The following ANK2 variants were observed in gnomAD, a reference collection of about 807,000 sequenced individuals.
ANK2 encodes ankyrin-2.
In ANK2, 83 loss-of-function variants were observed where a neutral mutation model predicts 360.5. The observed-to-expected ratio is 0.23, with a 90% CI of 0.19 to 0.28. ANK2 has a LOEUF of 0.28. Among genes scored for constraint, ANK2 ranks in the 10% least tolerant of loss-of-function variants. The pLI, the probability that ANK2 is intolerant of heterozygous loss-of-function variation, is 1.00. For synonymous variants in ANK2, 1,740 were observed against 1,759.5 expected, an observed-to-expected ratio of 0.99 and a Z score of 0.28; for missense variants, 4,201 against 4,795.7, an observed-to-expected ratio of 0.88 and a Z score of 3.66.
At chr4:112,854,686 C>T (rs531573667) in intron 1 of ANK2, among the ~76,000 whole-genome samples, 55 of 152,206 alleles carry the variant, frequency 3.6e-4, no homozygotes, top group African/African-American at 1.3e-3. Flanking sequence ...AGATGATTGA[C>T]CAACATTGGA....
rs1029169152 is a variant in ANK2, at chr4:113,199,191, C to G, written c.384+82C>G. The G allele has an allele frequency of 5.7e-6, 6 of 1,060,106 alleles. No homozygotes were observed. In the African/African-American group the frequency reaches 6.3e-5, roughly 11 times the overall value. The allele number at this position is 1,060,106 out of a possible 1,614,324, so 65.7% of individuals were successfully genotyped here. ...AAATTGATTTAATGTGTTTAGCTAG[C>G]TGTTCTACTGATAAATTTATTATAA... is the stretch of plus-strand genomic sequence containing the variant. On this transcript the variant is annotated intron_variant, in intron 4 of 45. Transcript: ENST00000357077.
intron 13 of ANK2, among the ~76,000 whole-genome samples, chr4:113,264,104 CTG>C (rs1218647274): frequency 6.6e-6 from 1 of 152,196 alleles, no homozygotes; most frequent in East Asian, 1.9e-4. Context: ...TCTCAAATAA[CTG>C]TCTATAATTA....
At chr4:113,112,979 A>G (rs1180452434) in intron 1 of ANK2, among the ~76,000 whole-genome samples, 3 of 152,148 alleles carry the variant, frequency 2.0e-5, no homozygotes, top group African/African-American at 7.2e-5. Context: ...TGCATTATCA[A>G]ATTGGCTTTT....
intron 1 of ANK2, among the ~76,000 whole-genome samples, chr4:113,141,067 T>A (rs1370223933): frequency 6.6e-6 from 1 of 152,122 alleles, no homozygotes; most frequent in Admixed American, 6.5e-5. Context: ...TCTTACAAAG[T>A]CCTATAAAGC....
Position 113,355,135 on chromosome 4 carries a change from C to T in ANK2, c.6517C>T (p.Pro2173Ser). The T allele has an allele frequency of 6.2e-7, 1 of 1,614,094 alleles. No homozygotes were observed. The part of the protein sequence containing the change: ...QLHLDQVLTS[P>S]FNTTFPLDYM... ...TCACTTAGACCAAGTACTCACTAGT[C>T]CTTTCAACACAACATTTCCACTCGA... The change falls in exon 38 of 46, where the codon CCT becomes TCT. Residue 2173 changes from proline to serine, a missense_variant. By Grantham distance (74) the Pro-to-Ser change is moderately conservative. This residue lies in a region of ANK2 where 2,642 missense variants were observed against 2,714.5 expected (regional missense o/e 0.97). Transcript: ENST00000357077.
chr4:112,868,238 G>T (rs780705039), intron 1 of ANK2, among the ~76,000 whole-genome samples: 5 of 152,148 alleles, frequency 3.3e-5, no homozygotes, highest in Admixed American at 6.5e-5. Flanking sequence ...GTATTGCAAT[G>T]CTATAACAGA....
chr4:113,192,117 G>A (rs571695572), intron 2 of ANK2, among the ~76,000 whole-genome samples: 15 of 152,164 alleles, frequency 9.9e-5, no homozygotes, highest in African/African-American at 3.1e-4. Context: ...TGAATGTGCC[G>A]GTTTGTTACG....
the ANK2 span, among the ~76,000 whole-genome samples, chr4:112,802,473 A>G: frequency 1.1e-3 from 173 of 152,226 alleles, 1 homozygote; most frequent in African/African-American, 4.1e-3. Flanking sequence ...CAATATATGT[A>G]TTTATATTTT....
chr4:113,022,837 G>A (rs967207939), intron 2 of ANK2, among the ~76,000 whole-genome samples: 1 of 152,196 alleles, frequency 6.6e-6, no homozygotes, highest in Non-Finnish European at 1.5e-5. Context: ...TGAATTTCAA[G>A]AGGTTAGCAT....
the ANK2 span, chr4:112,798,704 T>C: frequency 6.6e-6 from 1 of 152,248 alleles, no homozygotes; most frequent in African/African-American, 2.4e-5. Flanking sequence ...ATGCATAGCA[T>C]GGTTTCTTTA....
At chr4:113,112,284 T>C (rs1349115005) in intron 1 of ANK2, among the ~76,000 whole-genome samples, 1 of 152,068 alleles carries the variant, frequency 6.6e-6, no homozygotes, top group Non-Finnish European at 1.5e-5. Context: ...GTGAGGGGAT[T>C]TTTTCATCAG....
chr4:113,022,425 T>C (rs1279501725), intron 2 of ANK2, among the ~76,000 whole-genome samples: 1 of 152,172 alleles, frequency 6.6e-6, no homozygotes, highest in Admixed American at 6.5e-5. Context: ...ATGCTTCACC[T>C]TTCACAGTGA....
At chr4:113,058,716 T>C (rs890319759) in intron 1 of ANK2, among the ~76,000 whole-genome samples, 3 of 152,114 alleles carry the variant, frequency 2.0e-5, no homozygotes, top group African/African-American at 4.8e-5. Flanking sequence ...CAATGGCCAA[T>C]AATTTAAAAT....
the ANK2 span, among the ~76,000 whole-genome samples, chr4:112,767,202 C>T: frequency 2.0e-5 from 3 of 152,036 alleles, no homozygotes; most frequent in Non-Finnish European, 2.9e-5. Context: ...AAAATAATTG[C>T]AGAGCAATTC....
chr4:112,900,072 G>A (rs918207458), intron 1 of ANK2, among the ~76,000 whole-genome samples: 28 of 151,944 alleles, frequency 1.8e-4, no homozygotes, highest in African/African-American at 6.3e-4. Context: ...AATAATATAA[G>A]GTGTCTCATG....
At chr4:112,848,545 C>G (rs974147268) in intron 1 of ANK2, among the ~76,000 whole-genome samples, 2 of 152,230 alleles carry the variant, frequency 1.3e-5, no homozygotes, top group African/African-American at 4.8e-5. Context: ...CCTTCTCCTT[C>G]TCAAACGTCA....
At chr4:113,135,759 T>C (rs777598657) in intron 1 of ANK2, among the ~76,000 whole-genome samples, 1 of 152,176 alleles carries the variant, frequency 6.6e-6, no homozygotes, top group African/African-American at 2.4e-5. Context: ...GGCATTTTTG[T>C]TCTTTTCATT....
chr4:113,209,648 G>A (rs1481695557), intron 4 of ANK2, among the ~76,000 whole-genome samples: 1 of 151,978 alleles, frequency 6.6e-6, no homozygotes, highest in African/African-American at 2.4e-5. Flanking sequence ...CTGATGGCTT[G>A]CAGGTAAAGA....
chr4:112,895,777 T>G (rs1350936714), intron 1 of ANK2, among the ~76,000 whole-genome samples: 1 of 152,232 alleles, frequency 6.6e-6, no homozygotes, highest in Non-Finnish European at 1.5e-5. Flanking sequence ...ACCACAGAGT[T>G]TATTTTCCTG....
Sources: gnomAD v4.1 joint callset for allele counts (sites outside exome capture counted in the v4.1 genomes callset) on GRCh38, gnomAD v4.1.1 for gene constraint, gnomAD v4.1.1 regional missense constraint, MANE v1.5 for transcripts, NCBI Gene and HGNC (gene_info 2026-07-23, HGNC 2026-07-21) for gene names.